COX10: variants seen among roughly 807,000 people sequenced by gnomAD.
COX10 encodes cytochrome c oxidase assembly factor heme A:farnesyltransferase COX10.
Under a neutral mutation model 37.3 loss-of-function variants are expected in COX10, and 27 were observed. The ratio of observed to expected loss-of-function variants is 0.72; its 90% CI spans 0.53 to 1.00. The LOEUF is 1.00. Ranked by LOEUF, COX10 falls within the 50% of genes least tolerant of loss-of-function variation. COX10 has a pLI of 0.00. For missense variants in COX10, 475 were observed against 563.2 expected (o/e 0.84, Z 1.59); for synonymous variants, 222 against 229.1 (o/e 0.97, Z 0.28).
At chr17:14,185,477 A>C (rs1274978604) in intron 5 of COX10, among the ~76,000 whole-genome samples, 2 of 151,150 alleles carry the variant, frequency 1.3e-5, no homozygotes, top group Admixed American at 1.3e-4. Flanking sequence ...AAAAATGAAC[A>C]CTCTTTTCTA....
chr17:14,071,643 G>A (rs1261678528), intron 1 of COX10, among the ~76,000 whole-genome samples: 1 of 151,466 alleles, frequency 6.6e-6, no homozygotes, highest in Non-Finnish European at 1.5e-5. Context: ...CAGAACTTTG[G>A]GAGGCCAAGG....
intron 3 of COX10, chr17:14,077,257 G>A: frequency 1.7e-6 from 1 of 577,244 alleles, no homozygotes; most frequent in Non-Finnish European, 3.0e-6. Flanking sequence ...GTATTGCATT[G>A]TAAGTATTGT....
chr17:14,139,111 A>T (rs919070948), intron 4 of COX10, among the ~76,000 whole-genome samples: 2 of 152,190 alleles, frequency 1.3e-5, no homozygotes, highest in African/African-American at 4.8e-5. Flanking sequence ...CAGGCTTGGT[A>T]ATAGTAAGCC....
At chr17:14,161,255 C>T (rs1905164969) in intron 5 of COX10, among the ~76,000 whole-genome samples, 1 of 152,066 alleles carries the variant, frequency 6.6e-6, no homozygotes, top group Non-Finnish European at 1.5e-5. Flanking sequence ...ATCATAATCC[C>T]AAAAGACACA....
intron 4 of COX10, among the ~76,000 whole-genome samples, chr17:14,155,119 G>A (rs1905004723): frequency 6.6e-6 from 1 of 152,210 alleles, no homozygotes; most frequent in Admixed American, 6.5e-5. Context: ...GAAATATTAT[G>A]AAGTCCAAAT....
intron 4 of COX10, among the ~76,000 whole-genome samples, chr17:14,111,483 T>C (rs1916005672): frequency 6.6e-6 from 1 of 152,130 alleles, no homozygotes; most frequent in Non-Finnish European, 1.5e-5. Context: ...CTTTAAAATA[T>C]ACTGTGTAAC....
chr17:14,097,758 G>T (rs9903314), intron 3 of COX10, among the ~76,000 whole-genome samples: 26,186 of 151,976 alleles, frequency 0.17, 2,331 homozygotes, highest in East Asian at 0.21. Context: ...TTGTCCACTG[G>T]GATGGTAAAT....
At chr17:14,072,143 C>T (rs893220788) in intron 1 of COX10, among the ~76,000 whole-genome samples, 5 of 152,122 alleles carry the variant, frequency 3.3e-5, no homozygotes, top group African/African-American at 7.2e-5. Context: ...CATGTTTCAA[C>T]GAAATGAAAT....
intron 4 of COX10, among the ~76,000 whole-genome samples, chr17:14,155,670 G>A (rs1346222228): frequency 2.0e-5 from 3 of 151,250 alleles, no homozygotes; most frequent in Non-Finnish European, 4.4e-5. Context: ...AGCCAAGATT[G>A]TGCCACTGCA....
At chr17:14,198,802 C>CTCAAT (rs1437403703) in intron 6 of COX10, among the ~76,000 whole-genome samples, 1 of 152,122 alleles carries the variant, frequency 6.6e-6, no homozygotes, top group Non-Finnish European at 1.5e-5. Context: ...TACTAAGTAC[C>CTCAAT]AGGTACTGTT....
At chr17:14,200,304 A>G (rs1906508193) in intron 6 of COX10, among the ~76,000 whole-genome samples, 1 of 152,206 alleles carries the variant, frequency 6.6e-6, no homozygotes, top group East Asian at 1.9e-4. Context: ...ATTTCTGGAC[A>G]ATGTGCAGAG....
rs532614103 is a variant in COX10 at position 14,193,241 on chromosome 17, C to T, written c.928+1020C>T. Among the ~76,000 whole-genome samples the T allele has an allele frequency of 3.4e-4, 52 of 152,320 alleles. 1 individual carries two copies. The South Asian group carries it at 0.01, about 30-fold the overall frequency. The stretch of plus-strand genomic sequence containing the variant: ...GCCTGGATGGGGAGCCCGACCCCAC[C>T]GCTCATGAGCTGTGCATCCTTCGCA... On this transcript the variant is annotated intron_variant, in intron 6 of 6. Transcript: ENST00000261643.
At chr17:14,167,821 C>T (rs1051177389) in intron 5 of COX10, among the ~76,000 whole-genome samples, 14 of 152,322 alleles carry the variant, frequency 9.2e-5, no homozygotes, top group African/African-American at 2.9e-4. Context: ...CCTCCCTCGA[C>T]ATATGAGAAT....
intron 5 of COX10, among the ~76,000 whole-genome samples, chr17:14,171,538 C>G (rs1905468413): frequency 6.6e-6 from 1 of 151,696 alleles, no homozygotes; most frequent in Non-Finnish European, 1.5e-5. Context: ...AGAGAAGTAT[C>G]TACCTCAAAC....
intron 3 of COX10, among the ~76,000 whole-genome samples, chr17:14,098,031 T>C (rs1915688638): frequency 6.6e-6 from 1 of 152,212 alleles, no homozygotes; most frequent in Non-Finnish European, 1.5e-5. Context: ...ATATTTTTGA[T>C]CCAAGGTTGA....
chr17:14,083,156 G>A (rs1307759684), intron 3 of COX10, among the ~76,000 whole-genome samples: 1 of 152,172 alleles, frequency 6.6e-6, no homozygotes, highest in East Asian at 1.9e-4. Flanking sequence ...TCCCAGGGCA[G>A]TAAATTTCCC....
intron 4 of COX10, among the ~76,000 whole-genome samples, chr17:14,104,255 T>G (rs550598368): frequency 3.9e-5 from 6 of 152,302 alleles, no homozygotes; most frequent in Non-Finnish European, 5.9e-5. Flanking sequence ...AGAATCCTAG[T>G]GTTATCATTA....
At chr17:14,077,289 C>T (rs1915177978) in intron 3 of COX10, 3 of 512,874 alleles carry the variant, frequency 5.8e-6, no homozygotes, top group Non-Finnish European at 1.0e-5. Flanking sequence ...TCACCCTTTC[C>T]TTTGCAATTA....
intron 3 of COX10, among the ~76,000 whole-genome samples, chr17:14,085,008 G>C (rs1331743522): frequency 3.3e-5 from 5 of 152,130 alleles, no homozygotes; most frequent in African/African-American, 1.2e-4. Context: ...TCTGTTCATA[G>C]TCTGTGTTTT....
Sources: allele counts gnomAD v4.1 joint callset (sites outside exome capture counted in the v4.1 genomes callset), GRCh38; gene constraint gnomAD v4.1.1; transcripts MANE v1.5; gene names NCBI Gene and HGNC (gene_info 2026-07-23, HGNC 2026-07-21).